The following SH2D4B variants were observed in gnomAD, a reference collection of about 807,000 sequenced individuals.
The protein encoded by SH2D4B is SH2 domain containing 4B.
A neutral mutation model predicts 61.5 loss-of-function variants in SH2D4B; 45 were observed. That is an observed-to-expected ratio of 0.73 (90% CI 0.58 to 0.94). SH2D4B has a LOEUF of 0.94. Ranked by LOEUF, SH2D4B falls within the 40% of genes least tolerant of loss-of-function variation. The pLI, the probability that SH2D4B is intolerant of heterozygous loss-of-function variation, is 0.00. For synonymous variants in SH2D4B, 224 were observed against 220.4 expected, an observed-to-expected ratio of 1.02 and a Z score of -0.14; for missense variants, 572 against 574.2, an observed-to-expected ratio of 1.00 and a Z score of 0.04.
intron 1 of SH2D4B, among the ~76,000 whole-genome samples, chr10:80,552,915 CTCTCTCTT>C (rs879409192): frequency 3.3e-4 from 50 of 151,490 alleles, no homozygotes; most frequent in Admixed American, 5.9e-4. Context: ...CTCTTGCTCT[CTCTCTCTT>C]TCTTTCTTTG....
Position 80,588,704 on chromosome 10 carries a change from C to T in SH2D4B, c.570C>T (p.Leu190=), listed in dbSNP as rs771244207. 6.2e-7 allele frequency: 1 copy of T among 1,613,966 alleles called. No individual in the cohort carries two copies. The highest frequency in any genetic ancestry group is 8.5e-7 in the Non-Finnish European group (1 of 1,180,050). The change falls in exon 4 of 8, where the codon CTC becomes CTT. Residue 190 remains leucine, a synonymous_variant. Coordinates refer to ENST00000646907, the MANE Select transcript of SH2D4B (RefSeq NM_001388272.1). ...AGGAAGAGCAGAGGGCGAAGGAGCTCTACTGGACCCTGAAGCAGGCTCAGC... is the reference window on the plus strand; with the variant it reads ...AGGAAGAGCAGAGGGCGAAGGAGCTTTACTGGACCCTGAAGCAGGCTCAGC... ...RLQEEQRAKE[L]YWTLKQAQLH... is the part of the protein sequence containing the mutation.
At chr10:80,543,205 G>A (rs1841607258) in intron 1 of SH2D4B, among the ~76,000 whole-genome samples, 1 of 152,168 alleles carries the variant, frequency 6.6e-6, no homozygotes, top group Admixed American at 6.5e-5. Flanking sequence ...TGCACTGTGG[G>A]AGCCCCTTTC....
At chr10:80,642,771 C>G (rs1251558974) in intron 7 of SH2D4B, among the ~76,000 whole-genome samples, 1 of 152,198 alleles carries the variant, frequency 6.6e-6, no homozygotes, top group Non-Finnish European at 1.5e-5. Context: ...CAGTATTTCT[C>G]TAGGATGGGT....
intron 6 of SH2D4B, among the ~76,000 whole-genome samples, chr10:80,614,901 G>A (rs972052154): frequency 1.3e-5 from 2 of 152,238 alleles, no homozygotes; most frequent in South Asian, 2.1e-4. Context: ...TTTCTCCGTT[G>A]ATGTTGTGTT....
intron 7 of SH2D4B, among the ~76,000 whole-genome samples, chr10:80,638,247 C>CT (rs777502648): frequency 6.6e-6 from 1 of 152,130 alleles, no homozygotes; most frequent in African/African-American, 2.4e-5. Flanking sequence ...CTAAAATTCT[C>CT]TTTTTTTGTT....
chr10:80,587,279 T>G (rs1227892840), intron 3 of SH2D4B, among the ~76,000 whole-genome samples: 1 of 151,236 alleles, frequency 6.6e-6, no homozygotes, highest in Non-Finnish European at 1.5e-5. Flanking sequence ...TTTGTTGTTG[T>G]TGTTGTTGTT....
intron 7 of SH2D4B, among the ~76,000 whole-genome samples, chr10:80,639,516 A>T (rs1840251384): frequency 6.6e-6 from 1 of 152,136 alleles, no homozygotes; most frequent in South Asian, 2.1e-4. Context: ...TGTTGAATTG[A>T]TCCCTTTACC....
chr10:80,635,254 C>A (rs76226250), intron 7 of SH2D4B, among the ~76,000 whole-genome samples: 1 of 152,048 alleles, frequency 6.6e-6, no homozygotes, highest in Non-Finnish European at 1.5e-5. Context: ...TAAGAAGCAA[C>A]GTTTATGTTC....
chr10:80,632,355 A>C (rs1215887472), intron 6 of SH2D4B, among the ~76,000 whole-genome samples: 1 of 152,212 alleles, frequency 6.6e-6, no homozygotes, highest in Non-Finnish European at 1.5e-5. Context: ...CAGTGCATAC[A>C]TATATCAAAA....
intron 4 of SH2D4B, among the ~76,000 whole-genome samples, chr10:80,598,508 T>C (rs577889044): frequency 6.6e-6 from 1 of 152,334 alleles, no homozygotes; most frequent in South Asian, 2.1e-4. Flanking sequence ...TGAGTTAAAC[T>C]CCAGAGCCTG....
intron 6 of SH2D4B, among the ~76,000 whole-genome samples, chr10:80,617,053 G>T (rs1267187557): frequency 6.6e-6 from 1 of 152,256 alleles, no homozygotes; most frequent in Non-Finnish European, 1.5e-5. Flanking sequence ...TTTAGTAAGT[G>T]GGGGAGGTGG....
intron 4 of SH2D4B, among the ~76,000 whole-genome samples, chr10:80,589,376 A>T (rs1369891865): frequency 6.6e-6 from 1 of 152,186 alleles, no homozygotes; most frequent in Non-Finnish European, 1.5e-5. Context: ...TCTACAAAAA[A>T]ATAAGAAGTA....
rs923618943 is a variant in SH2D4B at position 80,539,030 on chromosome 10, G to T, written c.184+515G>T. ...GAGGATGCTGTGGGTTGTCTCTGGA[G>T]CCCCACTGGGCATCCGGAGAGAGGG... On this transcript the variant is annotated intron_variant, in intron 1 of 7. Transcript: ENST00000646907. The surrounding 1 kb of genome is among the most constrained non-coding windows in gnomAD (Gnocchi z 4.9). Among the ~76,000 whole-genome samples, 2 of 152,222 alleles carry T rather than the reference G, an allele frequency of 1.3e-5. No individual in the cohort carries two copies. Among genetic ancestry groups the T allele is most frequent in the African/African-American group, 4.8e-5 (2 of 41,464 alleles).
chr10:80,568,655 T>C (rs970163178), intron 1 of SH2D4B, among the ~76,000 whole-genome samples: 8 of 152,210 alleles, frequency 5.3e-5, no homozygotes, highest in African/African-American at 1.9e-4. Context: ...ATACAAAACC[T>C]TTAAAAATCC....
intron 4 of SH2D4B, among the ~76,000 whole-genome samples, 193 bp from the exon 5 acceptor site, chr10:80,603,386 T>C (rs966204543): frequency 2.0e-5 from 3 of 152,226 alleles, no homozygotes; most frequent in African/African-American, 4.8e-5. Flanking sequence ...TCTGTCATTC[T>C]GGGTTCTGAG....
rs117312132 is a variant in SH2D4B, at chr10:80,621,035, A to G, written c.988+11484A>G. On this transcript the variant is annotated intron_variant, in intron 6 of 7. Transcript: ENST00000646907. ...GGAAACTATGTTTCTTGCATAAATT[A>G]TACCATACACTACAGTTTTCTTGTT... Among the ~76,000 whole-genome samples, 671 of 152,382 alleles carry G rather than the reference A, an allele frequency of 4.4e-3. 1 individual carries two copies. Among genetic ancestry groups the G allele is most frequent in the Non-Finnish European group, 6.9e-3 (470 of 68,046 alleles).
intron 3 of SH2D4B, among the ~76,000 whole-genome samples, chr10:80,578,461 C>T (rs1842151313): frequency 6.6e-6 from 1 of 151,980 alleles, no homozygotes; most frequent in South Asian, 2.1e-4. Flanking sequence ...TTAGTGCCAA[C>T]CACACCCCGG....
chr10:80,555,863 C>T (rs144829906), intron 1 of SH2D4B, among the ~76,000 whole-genome samples: 3 of 151,972 alleles, frequency 2.0e-5, no homozygotes, highest in South Asian at 4.1e-4. Flanking sequence ...TAAGAACAGG[C>T]GTGTTCGTGC....
At chr10:80,599,078 G>A (rs1211070588) in intron 4 of SH2D4B, among the ~76,000 whole-genome samples, 2 of 152,086 alleles carry the variant, frequency 1.3e-5, no homozygotes, top group Non-Finnish European at 1.5e-5. Context: ...GGGAAACGTG[G>A]GCTCAGGCCC....
Sources: allele counts gnomAD v4.1 joint callset (sites outside exome capture counted in the v4.1 genomes callset), GRCh38; gene constraint gnomAD v4.1.1; non-coding constraint Gnocchi (gnomAD v3.1); transcripts MANE v1.5; gene names NCBI Gene and HGNC (gene_info 2026-07-23, HGNC 2026-07-21).